Variants in CSMD1 observed in about 807,000 individuals in gnomAD.
CSMD1 encodes CUB and Sushi multiple domains 1.
A neutral mutation model predicts 417.5 loss-of-function variants in CSMD1; 213 were observed. The observed-to-expected ratio is 0.51, with a 90% CI of 0.46 to 0.57. CSMD1 has a LOEUF of 0.57. Ranked by LOEUF, CSMD1 falls within the 20% of genes least tolerant of loss-of-function variation. CSMD1 has a pLI of 0.00. For synonymous variants in CSMD1, 2,862 were observed against 1,736.8 expected, an observed-to-expected ratio of 1.65 and a Z score of -16.11; for missense variants, 6,923 against 4,529.7, an observed-to-expected ratio of 1.53 and a Z score of -15.17.
At chr8:3,483,707 T>A (rs985531964) in intron 11 of CSMD1, among the ~76,000 whole-genome samples, 14 of 152,172 alleles carry the variant, frequency 9.2e-5, no homozygotes, top group Admixed American at 9.2e-4. Context: ...TATAGACCGA[T>A]ATCTTTTATG....
intron 3 of CSMD1, among the ~76,000 whole-genome samples, chr8:4,414,466 G>A (rs112249011): frequency 1.3e-4 from 20 of 152,120 alleles, no homozygotes; most frequent in African/African-American, 4.8e-4. Context: ...TTTTCTGTTT[G>A]TGAGGATTAA....
chr8:3,130,921 G>C (rs1278237440), intron 41 of CSMD1, among the ~76,000 whole-genome samples: 1 of 152,186 alleles, frequency 6.6e-6, no homozygotes, highest in Non-Finnish European at 1.5e-5. Context: ...TTCTGTAACA[G>C]TCCATATCTA....
chr8:4,322,052 T>G (rs1484370270), intron 3 of CSMD1, among the ~76,000 whole-genome samples: 1 of 152,130 alleles, frequency 6.6e-6, no homozygotes, highest in Non-Finnish European at 1.5e-5. Context: ...AAATGCCTAA[T>G]TCACAGATAC....
chr8:3,530,429 T>G (rs937816484), intron 10 of CSMD1, among the ~76,000 whole-genome samples: 3 of 152,224 alleles, frequency 2.0e-5, no homozygotes, highest in African/African-American at 7.2e-5. Flanking sequence ...ATTGTTTAGG[T>G]GTGTTGTTTA....
chr8:4,478,369 G>C (rs1397689424), intron 2 of CSMD1, among the ~76,000 whole-genome samples: 1 of 152,136 alleles, frequency 6.6e-6, no homozygotes, highest in Non-Finnish European at 1.5e-5. Flanking sequence ...GAAATATTAA[G>C]ATTTGAAACA....
chr8:4,550,457 G>C (rs142814658), intron 2 of CSMD1, among the ~76,000 whole-genome samples: 2 of 151,706 alleles, frequency 1.3e-5, no homozygotes, highest in African/African-American at 4.8e-5. Context: ...TAAAGGTATT[G>C]CATTTTTAGG....
At chr8:3,704,991 A>G (rs1354157629) in intron 7 of CSMD1, 1 of 152,236 alleles carries the variant, frequency 6.6e-6, no homozygotes, top group African/African-American at 2.4e-5. Context: ...AACTTTGGGT[A>G]GAACTTGCCC....
intron 1 of CSMD1, among the ~76,000 whole-genome samples, chr8:4,663,739 G>C (rs1430305732): frequency 6.6e-6 from 1 of 152,198 alleles, no homozygotes; most frequent in Non-Finnish European, 1.5e-5. Flanking sequence ...AAATTGCCCA[G>C]TCACAGGTAG....
chr8:4,836,588 T>C (rs1186224235), intron 1 of CSMD1, among the ~76,000 whole-genome samples: 1 of 152,232 alleles, frequency 6.6e-6, no homozygotes, highest in Non-Finnish European at 1.5e-5. Flanking sequence ...AAGTTTTGAT[T>C]AGTATGCAGT....
intron 1 of CSMD1, among the ~76,000 whole-genome samples, chr8:4,916,068 C>T (rs1412592480): frequency 6.6e-6 from 1 of 152,182 alleles, no homozygotes; most frequent in Non-Finnish European, 1.5e-5. Flanking sequence ...AACGCCAGCA[C>T]TTCAGATTAC....
intron 7 of CSMD1, among the ~76,000 whole-genome samples, chr8:3,630,059 G>A (rs982118142): frequency 1.2e-5 from 1 of 84,030 alleles, no homozygotes; most frequent in African/African-American, 3.7e-5. Flanking sequence ...TTCTACATTA[G>A]AGATCAAAAT....
At chr8:4,208,437 A>G (rs1182455447) in intron 3 of CSMD1, among the ~76,000 whole-genome samples, 1 of 152,192 alleles carries the variant, frequency 6.6e-6, no homozygotes, top group Non-Finnish European at 1.5e-5. Flanking sequence ...ATGGTTTTTC[A>G]AAATTTCTTT....
intron 3 of CSMD1, among the ~76,000 whole-genome samples, chr8:4,215,431 A>G (rs1800607536): frequency 6.6e-6 from 1 of 152,186 alleles, no homozygotes; most frequent in African/African-American, 2.4e-5. Flanking sequence ...TTAGTAACAC[A>G]AAAGACTCAA....
rs184255814 is a variant in CSMD1, at chr8:4,935,725, T to C, written c.85+58607A>G. ...AGGATTGAGGAATGGCGTGCAGGCA[T>C]TTTGATAGAAGAAAATAAAATCTGA... On this transcript the variant is annotated intron_variant, in intron 1 of 69. Coordinates refer to ENST00000635120, the MANE Select transcript of CSMD1 (RefSeq NM_033225.6). Among the ~76,000 whole-genome samples, 504 of 152,286 alleles carry C rather than the reference T, an allele frequency of 3.3e-3. 2 individuals carry two copies. Among genetic ancestry groups the C allele is most frequent in the Non-Finnish European group, 5.1e-3 (344 of 68,026 alleles).
intron 3 of CSMD1, among the ~76,000 whole-genome samples, chr8:4,087,746 C>A (rs565514930): frequency 6.6e-6 from 1 of 152,262 alleles, no homozygotes; most frequent in East Asian, 1.9e-4. Context: ...CTGTCTCTCC[C>A]GTTCTCTTAA....
At position 3,437,974 on chromosome 8, in the gene CSMD1, C is replaced by G. The variant is rs558465600; in HGVS notation, c.1562-28369G>C. On this transcript the variant is annotated intron_variant, in intron 12 of 69. Coordinates refer to ENST00000635120, the MANE Select transcript of CSMD1 (RefSeq NM_033225.6). ...CAGGCTCATCTCGAACTGCTGACCTCAGATGATCCGCTCACCTCAGCCTCC... is the reference window on the plus strand; with the variant it reads ...CAGGCTCATCTCGAACTGCTGACCTGAGATGATCCGCTCACCTCAGCCTCC... Among the ~76,000 whole-genome samples the G allele has an allele frequency of 9.9e-4, 150 of 152,194 alleles. 3 individuals carry two copies. The Middle Eastern group carries it at 0.01, about 10-fold the overall frequency.
intron 3 of CSMD1, among the ~76,000 whole-genome samples, chr8:4,051,891 C>T (rs56284848): frequency 0.2 from 13,807 of 68,434 alleles, 764 homozygotes; most frequent in East Asian, 0.28. Context: ...TTCCTTCCTT[C>T]CTTCCTTCCT....
chr8:4,283,136 A>C (rs1291938566), intron 3 of CSMD1, among the ~76,000 whole-genome samples: 1 of 152,166 alleles, frequency 6.6e-6, no homozygotes, highest in East Asian at 1.9e-4. Context: ...GGATAAAAAC[A>C]CTCAATTGTT....
At position 3,440,018 on chromosome 8, in the gene CSMD1, T is replaced by C. The variant is rs547351738; in HGVS notation, c.1561+28694A>G. Among the ~76,000 whole-genome samples the C allele has an allele frequency of 6.6e-5, 10 of 152,356 alleles. No individual in the cohort carries two copies. In the South Asian group the frequency reaches 1.4e-3, roughly 22 times the overall value. On this transcript the variant is annotated intron_variant, in intron 12 of 69. Coordinates refer to ENST00000635120, the MANE Select transcript of CSMD1 (RefSeq NM_033225.6). ...ATTCCATTCCATTAATCTCTGTGTC[T>C]GCCCTTCCACCAACACCACATGGTC...
Sources: gnomAD v4.1 joint callset for allele counts (sites outside exome capture counted in the v4.1 genomes callset) on GRCh38, gnomAD v4.1.1 for gene constraint, MANE v1.5 for transcripts, NCBI Gene and HGNC (gene_info 2026-07-23, HGNC 2026-07-21) for gene names.